Variants in PLXNA4 observed in about 807,000 individuals in gnomAD.
The protein encoded by PLXNA4 is plexin-A4.
In PLXNA4, 44 loss-of-function variants were observed where a neutral mutation model predicts 191.8. The observed-to-expected ratio is 0.23, with a 90% CI of 0.18 to 0.29. PLXNA4 has a LOEUF of 0.29. Among genes scored for constraint, PLXNA4 ranks in the 10% least tolerant of loss-of-function variants. The pLI is 1.00. For missense variants in PLXNA4, 1,800 were observed against 2,488.8 expected, an observed-to-expected ratio of 0.72 and a Z score of 5.89; for synonymous variants, 1,082 against 1,009.5, an observed-to-expected ratio of 1.07 and a Z score of -1.36.
At chr7:132,270,265 G>T (rs528146954) in intron 4 of PLXNA4, among the ~76,000 whole-genome samples, 1 of 152,076 alleles carries the variant, frequency 6.6e-6, no homozygotes, top group African/African-American at 2.4e-5. Context: ...TATATATACC[G>T]CGGGAATAGT....
chr7:132,515,822 T>G (rs1380255259), intron 1 of PLXNA4, among the ~76,000 whole-genome samples: 1 of 152,228 alleles, frequency 6.6e-6, no homozygotes, highest in African/African-American at 2.4e-5. Flanking sequence ...ATGCCCCTAC[T>G]ATATATTAGT....
intron 3 of PLXNA4, among the ~76,000 whole-genome samples, chr7:132,430,798 C>T (rs1795229832): frequency 6.6e-6 from 1 of 152,068 alleles, no homozygotes; most frequent in Non-Finnish European, 1.5e-5. Context: ...GGTTGGGTGG[C>T]AATGAGATTA....
At chr7:132,347,441 A>G (rs1000255183) in intron 3 of PLXNA4, among the ~76,000 whole-genome samples, 2 of 152,216 alleles carry the variant, frequency 1.3e-5, no homozygotes, top group South Asian at 2.1e-4. Context: ...AAAAGCCGGC[A>G]TGTGTTGCAG....
chr7:132,568,007 G>A (rs908129251), intron 1 of PLXNA4, among the ~76,000 whole-genome samples: 4 of 152,130 alleles, frequency 2.6e-5, no homozygotes, highest in African/African-American at 7.2e-5. Context: ...AGAGAGCAGG[G>A]AAAGAGGTCA....
rs574239460 is a variant in PLXNA4, at chr7:132,490,889, G to T, written c.1189-1415C>A. 1.1e-4 allele frequency among the ~76,000 whole-genome samples: 16 copies of T among 152,252 alleles called. No homozygotes were observed. In the South Asian group the frequency reaches 3.1e-3, roughly 30 times the overall value. ...CAGTTCCCCCACTGTATTTCCAGTGGAATCTCTCTTTTTTATACCAGGCCA... is the reference window on the plus strand; with the variant it reads ...CAGTTCCCCCACTGTATTTCCAGTGTAATCTCTCTTTTTTATACCAGGCCA... On this transcript the variant is annotated intron_variant, in intron 2 of 31. Coordinates refer to ENST00000321063, the MANE Select transcript of PLXNA4 (RefSeq NM_020911.2).
intron 1 of PLXNA4, among the ~76,000 whole-genome samples, chr7:132,647,886 C>A (rs1199296191): frequency 6.6e-6 from 1 of 151,718 alleles, no homozygotes; most frequent in East Asian, 1.9e-4. Flanking sequence ...CATCCACATT[C>A]TTCCATATAT....
chr7:132,424,941 C>T (rs1794988505), intron 3 of PLXNA4, among the ~76,000 whole-genome samples: 1 of 152,230 alleles, frequency 6.6e-6, no homozygotes, highest in South Asian at 2.1e-4. Context: ...GGCCACCCCT[C>T]TGCTGGGTGT....
chr7:132,393,871 A>G (rs1793628172), intron 3 of PLXNA4, among the ~76,000 whole-genome samples: 1 of 152,216 alleles, frequency 6.6e-6, no homozygotes, highest in Admixed American at 6.5e-5. Flanking sequence ...GGCTTGACTC[A>G]GAAGCGGGGC....
intron 3 of PLXNA4, among the ~76,000 whole-genome samples, chr7:132,394,235 G>A (rs1793652735): frequency 6.6e-6 from 1 of 152,196 alleles, no homozygotes; most frequent in South Asian, 2.1e-4. Flanking sequence ...CAGTAGAGCT[G>A]CCTCTGTCCT....
At chr7:132,282,452 T>C (rs1458419962) in intron 4 of PLXNA4, among the ~76,000 whole-genome samples, 1 of 151,524 alleles carries the variant, frequency 6.6e-6, no homozygotes, top group Non-Finnish European at 1.5e-5. Context: ...GCCCTGAGAC[T>C]ACCCTGCATG....
chr7:132,307,752 T>C (rs764500437), intron 3 of PLXNA4, among the ~76,000 whole-genome samples: 1 of 152,116 alleles, frequency 6.6e-6, no homozygotes, highest in Non-Finnish European at 1.5e-5. Flanking sequence ...CCTGCTTCTG[T>C]GTTCATGCTG....
chr7:132,392,680 C>T (rs1793553139), intron 3 of PLXNA4, among the ~76,000 whole-genome samples: 1 of 152,222 alleles, frequency 6.6e-6, no homozygotes, highest in African/African-American at 2.4e-5. Context: ...TTCACAGTTA[C>T]TGTGGCAACA....
intron 1 of PLXNA4, among the ~76,000 whole-genome samples, chr7:132,567,471 T>G (rs1416938429): frequency 6.6e-6 from 1 of 152,160 alleles, no homozygotes; most frequent in Admixed American, 6.5e-5. Flanking sequence ...CCCATCTGGA[T>G]TCATCTGAAT....
At chr7:132,203,985 G>A (rs2116869716) in intron 10 of PLXNA4, among the ~76,000 whole-genome samples, 1 of 152,282 alleles carries the variant, frequency 6.6e-6, no homozygotes. Flanking sequence ...CACCCTAGGG[G>A]GATGAGAGGC....
At chr7:132,469,119 CAAAAAAAAAAAAAA>C (rs5887577) in intron 3 of PLXNA4, among the ~76,000 whole-genome samples, 1 of 87,430 alleles carries the variant, frequency 1.1e-5, no homozygotes, top group African/African-American at 4.3e-5. Context: ...GCACACCAAC[CAAAAAAAAAAAAAA>C]AAAAAAGAAA....
At chr7:132,240,331 C>T (rs1340174052) in intron 5 of PLXNA4, among the ~76,000 whole-genome samples, 1 of 152,222 alleles carries the variant, frequency 6.6e-6, no homozygotes, top group Non-Finnish European at 1.5e-5. Flanking sequence ...TGTCTGAGCC[C>T]TATTCCTGCC....
intron 24 of PLXNA4, 67 bp downstream of exon 24, chr7:132,164,075 G>T: frequency 6.3e-7 from 1 of 1,599,662 alleles, no homozygotes. Flanking sequence ...CTCCACTGCT[G>T]AGCAGGGCTA....
intron 1 of PLXNA4, among the ~76,000 whole-genome samples, chr7:132,546,873 G>T (rs1306330545): frequency 6.6e-6 from 1 of 152,098 alleles, no homozygotes; most frequent in East Asian, 1.9e-4. Context: ...GGACAAACAA[G>T]GCTTAGGAAT....
chr7:132,384,480 T>G, intron 3 of PLXNA4: 1 of 985,854 alleles, frequency 1.0e-6, no homozygotes, highest in Non-Finnish European at 1.2e-6. Context: ...CAGGAGACAC[T>G]GCTCACGCTT....
Sources: allele counts gnomAD v4.1 joint callset (sites outside exome capture counted in the v4.1 genomes callset), GRCh38; gene constraint gnomAD v4.1.1; transcripts MANE v1.5; gene names NCBI Gene and HGNC (gene_info 2026-07-23, HGNC 2026-07-21).